Variants in CACNA1E observed in about 807,000 individuals in gnomAD.
The protein encoded by CACNA1E is voltage-dependent R-type calcium channel subunit alpha-1E.
A neutral mutation model predicts 259.2 loss-of-function variants in CACNA1E; 40 were observed. That is an observed-to-expected ratio of 0.15 (90% confidence interval 0.12 to 0.20). The LOEUF is 0.20. CACNA1E is among the 10% of genes least tolerant of loss of function. The pLI is 1.00. For missense variants in CACNA1E, 1,874 were observed against 3,040.1 expected (o/e 0.62, Z 9.02); for synonymous variants, 1,104 against 1,138.5 (o/e 0.97, Z 0.61).
At chr1:181,427,893 T>C (rs1039553165) in intron 2 of CACNA1E, among the ~76,000 whole-genome samples, 13 of 151,592 alleles carry the variant, frequency 8.6e-5, no homozygotes, top group African/African-American at 2.9e-4. Flanking sequence ...AATTACAGGA[T>C]ATGGTGTGCA....
At chr1:181,371,603 A>G (rs1190225743) in intron 1 of CACNA1E, among the ~76,000 whole-genome samples, 1 of 152,104 alleles carries the variant, frequency 6.6e-6, no homozygotes, top group Non-Finnish European at 1.5e-5. Flanking sequence ...GGTCCTACTT[A>G]TCTATTTTTG....
chr1:181,769,200 C>A (rs1659278906), intron 35 of CACNA1E, among the ~76,000 whole-genome samples: 2 of 152,112 alleles, frequency 1.3e-5, no homozygotes, highest in Admixed American at 6.5e-5. Flanking sequence ...TCACAAGTCT[C>A]TTCTAGTTCT....
At chr1:181,418,341 T>C (rs1360764306) in intron 2 of CACNA1E, among the ~76,000 whole-genome samples, 1 of 152,188 alleles carries the variant, frequency 6.6e-6, no homozygotes, top group South Asian at 2.1e-4. Context: ...TGTGGGTTGC[T>C]TCTCAATCTC....
rs1341096150 is a variant in CACNA1E, at chr1:181,793,607, G to A, written c.5899-58G>A. 2.6e-5 allele frequency: 41 copies of A among 1,574,166 alleles called. No individual in the cohort carries two copies. The East Asian group carries it at 3.2e-4, about 12-fold the overall frequency. ...GAGGAGGCTGAATTGTCCACTGGAC[G>A]TGAGAAGCAATGAGATGGAACCAAG... is the stretch of plus-strand genomic sequence containing the variant. On this transcript the variant is annotated intron_variant, in intron 44 of 47. Coordinates refer to ENST00000367573, the MANE Select transcript of CACNA1E (RefSeq NM_001205293.3).
chr1:181,518,954 CTTTA>C (rs1225438272), intron 3 of CACNA1E, among the ~76,000 whole-genome samples: 1 of 152,140 alleles, frequency 6.6e-6, no homozygotes, highest in Non-Finnish European at 1.5e-5. Flanking sequence ...TGGTTTGGGA[CTTTA>C]TTTGTCTCCT....
rs185741857 is a variant in CACNA1E at position 181,635,277 on chromosome 1, G to T, written c.952-16061G>T. ...TGATGCCCGGTCATCCTAGAGAAGG[G>T]GTTGTGGGAGGGGCTGTACCTGTTG... On this transcript the variant is annotated intron_variant, in intron 6 of 47. Coordinates refer to ENST00000367573, the MANE Select transcript of CACNA1E (RefSeq NM_001205293.3). Among the ~76,000 whole-genome samples, 182 of 152,336 alleles carry T rather than the reference G, an allele frequency of 1.2e-3. 5 individuals are homozygous for T. Among genetic ancestry groups the T allele is most frequent in the Admixed American group, 6.3e-3 (96 of 15,298 alleles).
intron 1 of CACNA1E, among the ~76,000 whole-genome samples, chr1:181,390,798 GAA>G (rs1258167689): frequency 3.3e-5 from 5 of 152,160 alleles, no homozygotes; most frequent in Non-Finnish European, 1.5e-5. Flanking sequence ...TCAAGCAGGG[GAA>G]AAAGTCAGAT....
At chr1:181,387,163 T>C (rs1655915691) in intron 1 of CACNA1E, among the ~76,000 whole-genome samples, 1 of 152,042 alleles carries the variant, frequency 6.6e-6, no homozygotes, top group African/African-American at 2.4e-5. Context: ...AGAGTCTCAT[T>C]TGCCCAGCCC....
intron 3 of CACNA1E, among the ~76,000 whole-genome samples, chr1:181,533,012 T>C (rs557590351): frequency 6.6e-6 from 1 of 152,128 alleles, no homozygotes; most frequent in Non-Finnish European, 1.5e-5. Flanking sequence ...CTCTCAGTAT[T>C]TGAGACTTCT....
chr1:181,530,362 G>T (rs1572117049), intron 3 of CACNA1E, among the ~76,000 whole-genome samples: 1 of 152,004 alleles, frequency 6.6e-6, no homozygotes, highest in South Asian at 2.1e-4. Context: ...TAACTTTTTT[G>T]CAGGCTTATA....
intron 2 of CACNA1E, among the ~76,000 whole-genome samples, chr1:181,467,209 T>G (rs1265648760): frequency 2.0e-5 from 3 of 152,222 alleles, no homozygotes; most frequent in Non-Finnish European, 4.4e-5. Context: ...GGTTCTCAAA[T>G]TCTAGTGAAG....
intron 3 of CACNA1E, among the ~76,000 whole-genome samples, chr1:181,545,584 C>T (rs914329226): frequency 6.6e-6 from 1 of 152,112 alleles, no homozygotes; most frequent in African/African-American, 2.4e-5. Context: ...CAGGCTGTCC[C>T]TTAGGGCAGG....
At chr1:181,639,943 G>C (rs1657600380) in intron 6 of CACNA1E, among the ~76,000 whole-genome samples, 3 of 152,158 alleles carry the variant, frequency 2.0e-5, no homozygotes, top group Admixed American at 2.0e-4. Flanking sequence ...TGAGAGAGAG[G>C]AGAAGCAAAA....
chr1:181,738,124 C>A (rs906997658), intron 23 of CACNA1E, among the ~76,000 whole-genome samples: 1 of 152,228 alleles, frequency 6.6e-6, no homozygotes, highest in African/African-American at 2.4e-5. Context: ...TTCTGGCCAA[C>A]GAGAGGGAGC....
chr1:181,726,160 C>T lies in CACNA1E; in HGVS notation c.2238C>T (p.Ile746=), dbSNP rs201629878. 90 of 1,608,558 alleles carry T rather than the reference C, an allele frequency of 5.6e-5. No homozygotes were observed. Among genetic ancestry groups the T allele is most frequent in the South Asian group, 6.7e-5 (6 of 90,054 alleles). Residue 746 remains isoleucine (I), a splice_region_variant and synonymous_variant, in exon 18 of 48, where the codon ATC becomes ATT. Coordinates refer to ENST00000367573, the MANE Select transcript of CACNA1E (RefSeq NM_001205293.3). ...TGTCTGCACCCAACATGCCTTCGAT[C>T]GAGTGAGTCAGCTGCCCCCTTCACT... ...SPMSAPNMPS[I]ERDRRRRHHM... is the part of the protein sequence containing the mutation.
chr1:181,673,793 A>G (rs1462514766), intron 7 of CACNA1E, among the ~76,000 whole-genome samples: 1 of 151,232 alleles, frequency 6.6e-6, no homozygotes, highest in Non-Finnish European at 1.5e-5. Flanking sequence ...AACCCCACCC[A>G]GCAGTGCACA....
intron 3 of CACNA1E, among the ~76,000 whole-genome samples, chr1:181,524,321 T>C (rs1007316505): frequency 3.6e-4 from 55 of 152,194 alleles, no homozygotes; most frequent in Admixed American, 1.5e-3. Flanking sequence ...AAAAGAGCAA[T>C]CTAATTGGAA....
chr1:181,687,723 A>G (rs1650724917), intron 7 of CACNA1E, among the ~76,000 whole-genome samples: 1 of 152,182 alleles, frequency 6.6e-6, no homozygotes, highest in Non-Finnish European at 1.5e-5. Context: ...CTACAATAGT[A>G]TATGGTTTGT....
chr1:181,512,909 G>A (rs1484635878), intron 3 of CACNA1E, among the ~76,000 whole-genome samples: 2 of 152,158 alleles, frequency 1.3e-5, no homozygotes, highest in Non-Finnish European at 2.9e-5. Context: ...ATTGGGTAAT[G>A]TTGCAAATGT....
Sources: gnomAD v4.1 joint callset for allele counts (sites outside exome capture counted in the v4.1 genomes callset) on GRCh38, gnomAD v4.1.1 for gene constraint, MANE v1.5 for transcripts, NCBI Gene and HGNC (gene_info 2026-07-23, HGNC 2026-07-21) for gene names.